Variants in RANBP2 observed in about 807,000 individuals in gnomAD.
RANBP2 encodes RAN binding protein 2.
RANBP2 carries 57 observed loss-of-function variants against 303.6 expected under a neutral mutation model. That is an observed-to-expected ratio of 0.19 (90% confidence interval 0.15 to 0.23). The LOEUF is 0.23. Ranked by LOEUF, RANBP2 falls within the 10% of genes least tolerant of loss-of-function variation. The pLI, the probability that RANBP2 is intolerant of heterozygous loss-of-function variation, is 1.00. For synonymous variants in RANBP2, 1,167 were observed against 1,301.5 expected (o/e 0.90, Z 2.23); for missense variants, 3,138 against 3,780.8 (o/e 0.83, Z 4.46).
intron 6 of RANBP2, among the ~76,000 whole-genome samples, chr2:108,738,908 G>T (rs796839395): frequency 1.3e-5 from 2 of 152,054 alleles, no homozygotes; most frequent in African/African-American, 4.8e-5. Context: ...GGAATTACTT[G>T]TGTGAGCCAC....
the RANBP2 span, among the ~76,000 whole-genome samples, chr2:109,094,263 G>A: frequency 1.3e-5 from 2 of 152,156 alleles, no homozygotes; most frequent in Admixed American, 1.3e-4. Flanking sequence ...GAAACAAAAT[G>A]CATGATAGAA....
At chr2:109,376,442 G>T in the RANBP2 span, among the ~76,000 whole-genome samples, 1 of 152,358 alleles carries the variant, frequency 6.6e-6, no homozygotes, top group African/African-American at 2.4e-5. Context: ...TGGGTGGCTT[G>T]CATGGAGACT....
At chr2:109,475,180 T>C in the RANBP2 span, among the ~76,000 whole-genome samples, 1 of 152,192 alleles carries the variant, frequency 6.6e-6, no homozygotes, top group East Asian at 1.9e-4. Flanking sequence ...GGTTTCACCA[T>C]GTTGGCTAGG....
chr2:109,322,440 T>C, the RANBP2 span, among the ~76,000 whole-genome samples: 1 of 152,194 alleles, frequency 6.6e-6, no homozygotes, highest in Non-Finnish European at 1.5e-5. Flanking sequence ...GAGTTGTCTT[T>C]GCCTGAGAGT....
At chr2:108,971,150 C>T in the RANBP2 span, among the ~76,000 whole-genome samples, 2 of 152,144 alleles carry the variant, frequency 1.3e-5, no homozygotes, top group African/African-American at 4.8e-5. Context: ...GCGGTCAGAC[C>T]CTGATGGTGC....
At chr2:109,130,107 G>T in the RANBP2 span, 8 of 1,328,340 alleles carry the variant, frequency 6.0e-6, no homozygotes, top group Non-Finnish European at 7.7e-6. Context: ...CCGCGCCGGC[G>T]GCAAAGGTGA....
At chr2:109,037,601 G>A in the RANBP2 span, among the ~76,000 whole-genome samples, 2 of 151,994 alleles carry the variant, frequency 1.3e-5, no homozygotes, top group Non-Finnish European at 2.9e-5. Context: ...ATGTAAAGTC[G>A]GCAAGGTAGC....
the RANBP2 span, among the ~76,000 whole-genome samples, chr2:109,227,474 T>G: frequency 6.6e-6 from 1 of 152,216 alleles, no homozygotes; most frequent in Admixed American, 6.5e-5. Context: ...ATGAGGATGG[T>G]GACATTGAAG....
chr2:109,595,012 G>C, the RANBP2 span: 16 of 151,558 alleles, frequency 1.1e-4, no homozygotes, highest in African/African-American at 3.6e-4. Flanking sequence ...TCAGCCTCCC[G>C]AGCAGCTGGG....
At chr2:109,438,002 ATC>A in the RANBP2 span, among the ~76,000 whole-genome samples, 321 of 152,314 alleles carry the variant, frequency 2.1e-3, 2 homozygotes, top group Non-Finnish European at 1.9e-3. Flanking sequence ...CTCAGAAATC[ATC>A]TGTTTTTCTC....
At chr2:108,915,495 T>A in the RANBP2 span, among the ~76,000 whole-genome samples, 1 of 152,214 alleles carries the variant, frequency 6.6e-6, no homozygotes, top group Admixed American at 6.5e-5. Context: ...TGTTTCCTTG[T>A]GTTTCTGGAT....
rs374377105 is a variant in RANBP2, at chr2:108,731,476, TAAAC to T, written c.405+10_405+13del. ...AGTCCTGCAATTTATAAACTAAAGG[TAAAC>T]AAACAAAACATAAAGGGAGAAAACT... On this transcript the variant is annotated splice_donor_5th_base_variant and intron_variant, in intron 4 of 28. Coordinates refer to ENST00000283195, the MANE Select transcript of RANBP2 (RefSeq NM_006267.5). 102 of 1,611,254 alleles carry T rather than the reference TAAAC, an allele frequency of 6.3e-5. 1 individual carries two copies. The African/African-American group carries it at 1.0e-3, about 16-fold the overall frequency.
At chr2:109,305,692 C>T in the RANBP2 span, among the ~76,000 whole-genome samples, 1 of 152,218 alleles carries the variant, frequency 6.6e-6, no homozygotes, top group Non-Finnish European at 1.5e-5. Context: ...TGTCACTGTA[C>T]ACTCCTTCAT....
the RANBP2 span, among the ~76,000 whole-genome samples, chr2:109,203,939 C>T: frequency 6.6e-6 from 1 of 152,234 alleles, no homozygotes; most frequent in Non-Finnish European, 1.5e-5. Context: ...GCCCCAAGGC[C>T]TCCCAGCAGA....
chr2:109,430,203 G>A, the RANBP2 span, among the ~76,000 whole-genome samples: 1 of 152,224 alleles, frequency 6.6e-6, no homozygotes, highest in East Asian at 1.9e-4. Context: ...CCATGGCCAG[G>A]AGCCAACCCG....
the RANBP2 span, among the ~76,000 whole-genome samples, chr2:108,924,448 T>A: frequency 6.6e-6 from 1 of 152,232 alleles, no homozygotes; most frequent in Admixed American, 6.5e-5. Flanking sequence ...TTTGTCACAC[T>A]GTGAGTAGTC....
the RANBP2 span, among the ~76,000 whole-genome samples, chr2:109,326,675 A>G: frequency 2.0e-5 from 3 of 152,350 alleles, no homozygotes; most frequent in African/African-American, 7.2e-5. Context: ...AAGTTAACTT[A>G]TCTTTTTCTT....
At chr2:109,173,484 A>T in the RANBP2 span, among the ~76,000 whole-genome samples, 16 of 152,154 alleles carry the variant, frequency 1.1e-4, no homozygotes, top group African/African-American at 3.9e-4. Context: ...CCACAGGCAG[A>T]TTTAAGGCTG....
chr2:109,181,205 A>G, the RANBP2 span, among the ~76,000 whole-genome samples: 6 of 152,108 alleles, frequency 3.9e-5, no homozygotes, highest in Admixed American at 3.9e-4. Context: ...TTTGGGAATG[A>G]TCTTAGGTTT....
Sources: allele counts gnomAD v4.1 joint callset (sites outside exome capture counted in the v4.1 genomes callset), GRCh38; gene constraint gnomAD v4.1.1; transcripts MANE v1.5; gene names NCBI Gene and HGNC (gene_info 2026-07-23, HGNC 2026-07-21).